Variants in CCSER1 observed in about 807,000 individuals in gnomAD.
The protein encoded by CCSER1 is coiled-coil serine rich protein 1, also known as serine-rich coiled-coil domain-containing protein 1.
In CCSER1, 41 loss-of-function variants were observed where a neutral mutation model predicts 82.0. The observed-to-expected ratio is 0.50, with a 90% CI of 0.39 to 0.65. The LOEUF (loss-of-function observed/expected upper bound fraction) is 0.65. Among genes scored for constraint, CCSER1 ranks in the 30% least tolerant of loss-of-function variants. The pLI is 0.00. For synonymous variants in CCSER1, 414 were observed against 383.9 expected (o/e 1.08, Z -0.92); for missense variants, 1,119 against 1,064.2 (o/e 1.05, Z -0.72).
At chr4:90,634,738 A>G (rs375733396) in intron 6 of CCSER1, among the ~76,000 whole-genome samples, 1 of 151,878 alleles carries the variant, frequency 6.6e-6, no homozygotes, top group African/African-American at 2.4e-5. Flanking sequence ...AGCAATTACC[A>G]TGGAAATATA....
chr4:90,253,408 G>T (rs1444209833), intron 1 of CCSER1, among the ~76,000 whole-genome samples: 2 of 151,944 alleles, frequency 1.3e-5, no homozygotes, highest in Non-Finnish European at 2.9e-5. Flanking sequence ...TTCTGTTTTT[G>T]TTAATTAAAG....
intron 10 of CCSER1, among the ~76,000 whole-genome samples, chr4:91,150,652 G>A (rs960954156): frequency 6.6e-6 from 1 of 152,116 alleles, no homozygotes; most frequent in Admixed American, 6.5e-5. Flanking sequence ...TTTGAGATAT[G>A]TCCCATCAAT....
intron 4 of CCSER1, among the ~76,000 whole-genome samples, chr4:90,408,130 G>A (rs187032030): frequency 0.011 from 1,659 of 152,330 alleles, 18 homozygotes; most frequent in South Asian, 0.03. Context: ...TAAACAGAGC[G>A]GCTGGGAAGC....
intron 1 of CCSER1, among the ~76,000 whole-genome samples, chr4:90,283,419 G>A (rs547566615): frequency 3.6e-4 from 54 of 151,952 alleles, no homozygotes; most frequent in African/African-American, 9.6e-4. Flanking sequence ...TTTGATACAA[G>A]CATATAGCAT....
chr4:90,738,802 G>C (rs1388850093), intron 7 of CCSER1, among the ~76,000 whole-genome samples: 1 of 152,078 alleles, frequency 6.6e-6, no homozygotes, highest in Non-Finnish European at 1.5e-5. Flanking sequence ...GTTCACTCAA[G>C]GCCCTGTGCT....
intron 10 of CCSER1, among the ~76,000 whole-genome samples, chr4:91,373,119 A>T (rs1013178538): frequency 6.6e-6 from 1 of 151,658 alleles, no homozygotes; most frequent in African/African-American, 2.4e-5. Context: ...TTGGAACTTT[A>T]TATTAATTCA....
chr4:90,580,914 G>A (rs1781353005), intron 5 of CCSER1, among the ~76,000 whole-genome samples: 1 of 152,060 alleles, frequency 6.6e-6, no homozygotes, highest in Non-Finnish European at 1.5e-5. Context: ...AGAATCCATG[G>A]GGAAATTGAG....
intron 8 of CCSER1, among the ~76,000 whole-genome samples, chr4:90,919,845 T>G (rs185356172): frequency 1.1e-4 from 17 of 152,090 alleles, no homozygotes; most frequent in Admixed American, 1.1e-3. Flanking sequence ...CTCATTTTAG[T>G]TTTACTTTTT....
intron 10 of CCSER1, among the ~76,000 whole-genome samples, chr4:91,147,170 G>A (rs1428826671): frequency 3.3e-5 from 5 of 152,164 alleles, no homozygotes; most frequent in Admixed American, 3.3e-4. Context: ...CTGGTGATGC[G>A]GTAGGTCAAG....
chr4:90,544,957 A>G (rs1030447511), intron 5 of CCSER1, among the ~76,000 whole-genome samples: 2 of 152,170 alleles, frequency 1.3e-5, no homozygotes, highest in Admixed American at 6.6e-5. Context: ...TTCTGCTTAT[A>G]CAAATATTTC....
At chr4:90,355,582 A>G (rs952518150) in intron 3 of CCSER1, among the ~76,000 whole-genome samples, 1 of 151,928 alleles carries the variant, frequency 6.6e-6, no homozygotes, top group Non-Finnish European at 1.5e-5. Flanking sequence ...GTTCCCACAT[A>G]CTCCTGCTAC....
chr4:90,376,332 T>C (rs1442079135), intron 3 of CCSER1, among the ~76,000 whole-genome samples: 1 of 152,174 alleles, frequency 6.6e-6, no homozygotes, highest in African/African-American at 2.4e-5. Context: ...AAGTAATCAG[T>C]GACATAGCTT....
chr4:90,601,928 G>T (rs1410514767), intron 5 of CCSER1, among the ~76,000 whole-genome samples: 2 of 151,888 alleles, frequency 1.3e-5, no homozygotes, highest in East Asian at 1.9e-4. Flanking sequence ...TGTATGACTT[G>T]AATTCTTTTA....
At chr4:90,231,338 A>T (rs1276770467) in intron 1 of CCSER1, among the ~76,000 whole-genome samples, 1 of 152,076 alleles carries the variant, frequency 6.6e-6, no homozygotes, top group Non-Finnish European at 1.5e-5. Flanking sequence ...AATAAATGTA[A>T]TCCAGCATAT....
At chr4:90,158,637 T>C (rs1054053135) in intron 1 of CCSER1, among the ~76,000 whole-genome samples, 1 of 152,164 alleles carries the variant, frequency 6.6e-6, no homozygotes, top group African/African-American at 2.4e-5. Context: ...CAGACTGCTG[T>C]GCTAGCAATC....
intron 4 of CCSER1, among the ~76,000 whole-genome samples, chr4:90,411,639 T>C (rs1325169797): frequency 6.6e-6 from 1 of 152,148 alleles, no homozygotes; most frequent in East Asian, 1.9e-4. Flanking sequence ...ACATGAGCTA[T>C]CTATGACAAA....
At chr4:90,235,400 C>A (rs890043177) in intron 1 of CCSER1, 1 of 152,190 alleles carries the variant, frequency 6.6e-6, no homozygotes, top group Non-Finnish European at 1.5e-5. Context: ...AACATGTGCA[C>A]CTCGTTTTTC....
At position 91,604,698 on chromosome 4, in the gene CCSER1, T is replaced by C. The variant is rs1764906327; in HGVS notation, c.*5641T>C. ...TTATACATACTTAAAAAACAAGATA[T>C]TTACAAAAATATTTTAGATATTCCT... On this transcript the variant is annotated 3_prime_UTR_variant, in exon 11 of 11. Coordinates refer to ENST00000509176, the MANE Select transcript of CCSER1 (RefSeq NM_001145065.2). 2 of 152,004 alleles carry C rather than the reference T, an allele frequency of 1.3e-5. No individual in the cohort carries two copies. The highest frequency in any genetic ancestry group is 4.8e-5 in the African/African-American group (2 of 41,422). 9.4% of individuals were successfully genotyped at this position (152,004 alleles called of 1,614,324 possible).
intron 6 of CCSER1, among the ~76,000 whole-genome samples, chr4:90,637,458 A>T (rs978114749): frequency 6.6e-6 from 1 of 152,174 alleles, no homozygotes; most frequent in African/African-American, 2.4e-5. Flanking sequence ...GAAGAACAAT[A>T]TGTAAAGTAT....
Sources: gnomAD v4.1 joint callset for allele counts (sites outside exome capture counted in the v4.1 genomes callset) on GRCh38, gnomAD v4.1.1 for gene constraint, MANE v1.5 for transcripts, NCBI Gene and HGNC (gene_info 2026-07-23, HGNC 2026-07-21) for gene names.